ADGRL2: variants seen among roughly 807,000 people sequenced by gnomAD.
ADGRL2 encodes the protein calcium-independent alpha-latrotoxin receptor 2.
A neutral mutation model predicts 157.4 loss-of-function variants in ADGRL2; 44 were observed. That is an observed-to-expected ratio of 0.28 (90% confidence interval 0.22 to 0.36). ADGRL2 has a LOEUF of 0.36. Among genes scored for constraint, ADGRL2 ranks in the 10% least tolerant of loss-of-function variants. The pLI is 1.00. For missense variants in ADGRL2, 1,510 were observed against 1,768.9 expected (o/e 0.85, Z 2.63); for synonymous variants, 585 against 624.7 (o/e 0.94, Z 0.95).
intron 2 of ADGRL2, among the ~76,000 whole-genome samples, chr1:81,840,099 C>T (rs2092506195): frequency 6.6e-6 from 1 of 151,636 alleles, no homozygotes; most frequent in Non-Finnish European, 1.5e-5. Flanking sequence ...TGGTCTTGTG[C>T]AGGGATTGAA....
chr1:81,489,218 CAGAG>C (rs1343877533), intron 2 of ADGRL2, among the ~76,000 whole-genome samples: 1 of 148,300 alleles, frequency 6.7e-6, no homozygotes, highest in Non-Finnish European at 1.5e-5. Flanking sequence ...GCGTGGGTGA[CAGAG>C]GGAGACTCTG....
chr1:81,337,000 C>T (rs1398321251), intron 1 of ADGRL2, among the ~76,000 whole-genome samples: 2 of 151,872 alleles, frequency 1.3e-5, no homozygotes, highest in South Asian at 2.1e-4. Context: ...GAAGAAGGAG[C>T]TTGACATCAG....
At chr1:81,869,225 C>G (rs572026982) in intron 2 of ADGRL2, among the ~76,000 whole-genome samples, 2 of 152,074 alleles carry the variant, frequency 1.3e-5, no homozygotes, top group East Asian at 3.9e-4. Flanking sequence ...GGGTCCTTTT[C>G]GAGGTCTTTT....
intron 2 of ADGRL2, among the ~76,000 whole-genome samples, chr1:81,462,576 C>T (rs1404751140): frequency 6.6e-6 from 1 of 152,070 alleles, no homozygotes; most frequent in Non-Finnish European, 1.5e-5. Flanking sequence ...ACAAACAATG[C>T]GTGTGATGTA....
chr1:81,345,591 T>C (rs908762103), intron 1 of ADGRL2, among the ~76,000 whole-genome samples: 1 of 152,180 alleles, frequency 6.6e-6, no homozygotes, highest in African/African-American at 2.4e-5. Flanking sequence ...TATAGAATAA[T>C]TTTCACTTTG....
chr1:81,483,036 C>A (rs1214124022), intron 2 of ADGRL2, among the ~76,000 whole-genome samples: 3 of 151,942 alleles, frequency 2.0e-5, no homozygotes, highest in African/African-American at 7.2e-5. Flanking sequence ...TGTTCCTAAA[C>A]ATGCTATAGA....
chr1:81,819,601 A>G (rs2090776327), intron 1 of ADGRL2, among the ~76,000 whole-genome samples: 2 of 152,184 alleles, frequency 1.3e-5, no homozygotes, highest in Non-Finnish European at 2.9e-5. Flanking sequence ...ACTCACATAA[A>G]GTGAAAATTT....
intron 1 of ADGRL2, among the ~76,000 whole-genome samples, chr1:81,383,963 A>AAAAAAAG (rs759285295): frequency 7.9e-4 from 119 of 150,126 alleles, no homozygotes; most frequent in Non-Finnish European, 1.9e-4. Context: ...CAAAAAAAAA[A>AAAAAAAG]AAAAGAAAAG....
At chr1:81,607,128 G>C (rs892258986) in intron 3 of ADGRL2, among the ~76,000 whole-genome samples, 1 of 152,094 alleles carries the variant, frequency 6.6e-6, no homozygotes, top group African/African-American at 2.4e-5. Context: ...TCAATCCCAA[G>C]AGTATATCTT....
intron 1 of ADGRL2, among the ~76,000 whole-genome samples, chr1:81,395,666 A>T (rs952907609): frequency 6.6e-6 from 1 of 152,082 alleles, no homozygotes; most frequent in Non-Finnish European, 1.5e-5. Flanking sequence ...TAGTAGTTTT[A>T]TAGTTTCAGT....
At chr1:81,866,175 G>T (rs1401931292) in intron 2 of ADGRL2, among the ~76,000 whole-genome samples, 2 of 151,710 alleles carry the variant, frequency 1.3e-5, no homozygotes, top group African/African-American at 4.8e-5. Flanking sequence ...ATTTTTTCTT[G>T]CCTCTGGCAC....
chr1:81,958,837 T>C (rs937625956), intron 11 of ADGRL2, among the ~76,000 whole-genome samples: 1 of 152,184 alleles, frequency 6.6e-6, no homozygotes, highest in African/African-American at 2.4e-5. Flanking sequence ...TTTTCGTCCA[T>C]GTAGATTAGT....
intron 2 of ADGRL2, among the ~76,000 whole-genome samples, chr1:81,464,983 T>C (rs2078023466): frequency 6.6e-6 from 1 of 150,972 alleles, no homozygotes; most frequent in South Asian, 2.1e-4. Flanking sequence ...TGACAAAGTG[T>C]AGGACCACTA....
intron 2 of ADGRL2, among the ~76,000 whole-genome samples, chr1:81,487,129 G>A (rs1052349379): frequency 6.7e-5 from 10 of 149,392 alleles, no homozygotes; most frequent in Non-Finnish European, 3.0e-5. Context: ...TCAGCCAGGT[G>A]TGGTGGTGCT....
intron 3 of ADGRL2, among the ~76,000 whole-genome samples, chr1:81,681,312 G>A (rs2148954557): frequency 6.6e-6 from 1 of 152,324 alleles, no homozygotes; most frequent in Middle Eastern, 3.4e-3. Context: ...TGGATAAGGG[G>A]AGCCTCCATG....
At chr1:81,423,314 A>G (rs1460690101) in intron 1 of ADGRL2, among the ~76,000 whole-genome samples, 1 of 152,218 alleles carries the variant, frequency 6.6e-6, no homozygotes, top group Non-Finnish European at 1.5e-5. Flanking sequence ...AGATAGCCAA[A>G]TATCATTTAG....
intron 2 of ADGRL2, among the ~76,000 whole-genome samples, chr1:81,897,820 T>C (rs950703516): frequency 1.3e-5 from 2 of 152,208 alleles, no homozygotes; most frequent in Non-Finnish European, 2.9e-5. Flanking sequence ...TATTTCTTAG[T>C]GTAACACTAT....
intron 1 of ADGRL2, among the ~76,000 whole-genome samples, chr1:81,825,839 A>G (rs915623222): frequency 2.0e-5 from 3 of 152,026 alleles, no homozygotes; most frequent in East Asian, 1.9e-4. Flanking sequence ...TTTTATACAC[A>G]TTTATGGTTT....
chr1:81,933,550 G>A (rs2095266037), intron 3 of ADGRL2, among the ~76,000 whole-genome samples: 1 of 152,142 alleles, frequency 6.6e-6, no homozygotes, highest in South Asian at 2.1e-4. Flanking sequence ...GCCCTTGGCG[G>A]GAATTTACTT....
Sources: gnomAD v4.1 joint callset for allele counts (sites outside exome capture counted in the v4.1 genomes callset) on GRCh38, gnomAD v4.1.1 for gene constraint, MANE v1.5 for transcripts, NCBI Gene and HGNC (gene_info 2026-07-23, HGNC 2026-07-21) for gene names.